TMEM255B: variants seen among roughly 807,000 people sequenced by gnomAD.
TMEM255B encodes family with sequence similarity 70, member B.
Under a neutral mutation model 34.5 loss-of-function variants are expected in TMEM255B, and 35 were observed. That is an observed-to-expected ratio of 1.01 (90% CI 0.77 to 1.34). The LOEUF is 1.34. Among genes scored for constraint, TMEM255B ranks in the 40% most tolerant of loss-of-function variants. The probability of loss-of-function intolerance (pLI) is 0.00; values close to 1 mark genes in which losing one functional copy is unlikely to be tolerated. For missense variants in TMEM255B, 432 were observed against 433.2 expected, an observed-to-expected ratio of 1.00 and a Z score of 0.02; for synonymous variants, 206 against 201.2, an observed-to-expected ratio of 1.02 and a Z score of -0.20.
intron 3 of TMEM255B, among the ~76,000 whole-genome samples, chr13:113,772,871 T>C (rs924092791): frequency 6.6e-6 from 1 of 152,192 alleles, no homozygotes; most frequent in Admixed American, 6.5e-5. Flanking sequence ...CAGGATTACG[T>C]TGGCAATTCT....
At chr13:113,791,046 C>G (rs1753985800) in intron 3 of TMEM255B, among the ~76,000 whole-genome samples, 1 of 152,190 alleles carries the variant, frequency 6.6e-6, no homozygotes, top group African/African-American at 2.4e-5. Flanking sequence ...AAGGTAGACC[C>G]TGCAATTTTT....
At position 113,816,109 on chromosome 13, in the gene TMEM255B, AGC is replaced by A. The variant is rs1566345638; in HGVS notation, c.*4208_*4209del. 2.3e-3 allele frequency: 396 copies of A among 170,468 alleles called. 5 individuals are homozygous for A. Among genetic ancestry groups the A allele is most frequent in the African/African-American group, 3.8e-3 (146 of 38,754 alleles). 10.6% of individuals were successfully genotyped at this position (170,468 alleles called of 1,614,324 possible). A position where few individuals can be genotyped will look rare whatever the true frequency, so the allele number is the denominator to read the frequency against. ...GACACGGGTTCTTTTCGGGGAGGCA[AGC>A]GTGTTTGCAGCGTGTTCTGGATGGG... is the stretch of plus-strand genomic sequence containing the variant. On this transcript the variant is annotated 3_prime_UTR_variant, in exon 9 of 9. Coordinates refer to ENST00000375353, the MANE Select transcript of TMEM255B (RefSeq NM_182614.4).
chr13:113,781,249 T>A (rs1299688731), intron 3 of TMEM255B, among the ~76,000 whole-genome samples: 2 of 152,242 alleles, frequency 1.3e-5, no homozygotes, highest in African/African-American at 4.8e-5. Flanking sequence ...TTTTAATGCT[T>A]AATTTGCAGA....
chr13:113,812,883 G>GGTCACAGGCCCCGGGTGA lies in TMEM255B; in HGVS notation c.*1004_*1021dup, dbSNP rs1391871530. 6.5e-6 allele frequency: 1 copy of GGTCACAGGCCCCGGGTGA among 153,460 alleles called. No homozygotes were observed. The highest frequency in any genetic ancestry group is 1.3e-5 in the Non-Finnish European group (1 of 75,456). 9.5% of individuals were successfully genotyped at this position (153,460 alleles called of 1,614,324 possible). Reference sequence around the variant, plus strand: ...CCGGGTGGGTCACAGGTCCCGAGTGGGTCACAGGCCCCGGGTGAGTCACAG... The same window carrying GGTCACAGGCCCCGGGTGA: ...CCGGGTGGGTCACAGGTCCCGAGTGGGTCACAGGCCCCGGGTGAGTCACAGGCCCCGGGTGAGTCACAG... On this transcript the variant is annotated 3_prime_UTR_variant, in exon 9 of 9. Transcript: ENST00000375353.
intron 8 of TMEM255B, among the ~76,000 whole-genome samples, chr13:113,808,932 G>A (rs1387018965): frequency 1.3e-4 from 20 of 149,456 alleles, no homozygotes; most frequent in Admixed American, 1.3e-3. Context: ...GGTTCTTGGG[G>A]ATTTATGCTG....
chr13:113,793,949 T>C (rs2050876036), intron 3 of TMEM255B, among the ~76,000 whole-genome samples: 1 of 152,220 alleles, frequency 6.6e-6, no homozygotes, highest in Non-Finnish European at 1.5e-5. Context: ...CTTCTGCTGC[T>C]GTGGGGCCTG....
intron 1 of TMEM255B, 24 bp from the exon 2 acceptor site, chr13:113,766,091 A>G: frequency 6.2e-7 from 1 of 1,613,250 alleles, no homozygotes; most frequent in Non-Finnish European, 8.5e-7. Context: ...CCTCACTGAC[A>G]GGTCCTCGCC....
rs573290576 is a variant in TMEM255B, at chr13:113,790,240, G to A, written c.253-4908G>A. ...TGGACATCCTAGCGCTGGACTGACC[G>A]GGCACGTGGGCATCCTAACACTGAA... On this transcript the variant is annotated intron_variant, in intron 3 of 8. Transcript: ENST00000375353. 8.6e-5 allele frequency among the ~76,000 whole-genome samples: 10 copies of A among 116,864 alleles called. 1 individual carries two copies. The highest frequency in any genetic ancestry group is 2.2e-4 in the African/African-American group (8 of 37,164). 76.7% of individuals were successfully genotyped at this position (116,864 alleles called of 152,430 possible).
chr13:113,770,466 T>A lies in TMEM255B; in HGVS notation c.252+1306T>A, dbSNP rs992545247. Among the ~76,000 whole-genome samples the A allele has an allele frequency of 2.0e-5, 3 of 152,114 alleles. No individual in the cohort carries two copies. Among genetic ancestry groups the A allele is most frequent in the Admixed American group, 6.5e-5 (1 of 15,282 alleles). On this transcript the variant is annotated intron_variant, in intron 3 of 8. Coordinates refer to ENST00000375353, the MANE Select transcript of TMEM255B (RefSeq NM_182614.4). The surrounding 1 kb of genome is among the most constrained non-coding windows in gnomAD (Gnocchi z 4.6). ...CACTGCTGCCCAGGAGACTGACCCT[T>A]GGGCAGATGGAGCCTGACCGTGTGA...
intron 1 of TMEM255B, among the ~76,000 whole-genome samples, chr13:113,762,324 T>G (rs1442611578): frequency 1.3e-5 from 2 of 152,200 alleles, no homozygotes; most frequent in African/African-American, 4.8e-5. Flanking sequence ...TTTTGTTATC[T>G]CTATTATATC....
intron 3 of TMEM255B, among the ~76,000 whole-genome samples, chr13:113,792,350 C>T (rs1036890138): frequency 1.8e-4 from 27 of 152,256 alleles, no homozygotes; most frequent in African/African-American, 6.3e-4. Flanking sequence ...TTGGCATTGA[C>T]GACCTTCTGA....
rs763921937 is a variant in TMEM255B, at chr13:113,799,447, G to A, written c.423+28G>A. ...GAGCAGGAGCACTGAGATTCATGTG[G>A]GTTTTGCTCAGCTAACCCCGCCGAC... On this transcript the variant is annotated intron_variant, in intron 5 of 8. Coordinates refer to ENST00000375353, the MANE Select transcript of TMEM255B (RefSeq NM_182614.4). 1.9e-6 allele frequency: 3 copies of A among 1,607,392 alleles called. No individual in the cohort carries two copies. In the South Asian group the frequency reaches 3.3e-5, roughly 18 times the overall value.
At chr13:113,801,064 G>C (rs902894649) in intron 6 of TMEM255B, 152 bp downstream of exon 6, 8 of 797,818 alleles carry the variant, frequency 1.0e-5, no homozygotes, top group Non-Finnish European at 1.4e-5. Context: ...CCCCGTATGT[G>C]CCTGCAGGGG....
At chr13:113,767,181 A>G (rs1176460444) in intron 2 of TMEM255B, among the ~76,000 whole-genome samples, 4 of 152,236 alleles carry the variant, frequency 2.6e-5, no homozygotes, top group African/African-American at 9.6e-5. Context: ...TTTTGGCCCT[A>G]AGTATTTAGA....
intron 1 of TMEM255B, 48 bp from the exon 2 acceptor site, chr13:113,766,067 T>C (rs2050382852): frequency 6.2e-7 from 1 of 1,609,370 alleles, no homozygotes; most frequent in East Asian, 2.2e-5. Context: ...CCTGACGCCC[T>C]CCTGAGCCTG....
At position 113,795,135 on chromosome 13, in the gene TMEM255B, CCTT is replaced by C. The variant is rs1479104233; in HGVS notation, c.253-10_253-8del. On this transcript the variant is annotated splice_polypyrimidine_tract_variant and intron_variant, in intron 3 of 8. Coordinates refer to ENST00000375353, the MANE Select transcript of TMEM255B (RefSeq NM_182614.4). ...GTAAAAGCTGGGCACCCACACCTCTCCTTCTGTTGCAGCTGGTGGCAGCGATCG... is the reference window on the plus strand; with the variant it reads ...GTAAAAGCTGGGCACCCACACCTCTCCTGTTGCAGCTGGTGGCAGCGATCG... The C allele has an allele frequency of 8.1e-6, 13 of 1,613,460 alleles. No homozygotes were observed. The highest frequency in any genetic ancestry group is 4.5e-5 in the East Asian group (2 of 44,894).
chr13:113,799,778 G>A (rs1476505853), intron 5 of TMEM255B: 4 of 667,478 alleles, frequency 6.0e-6, no homozygotes, highest in Non-Finnish European at 1.1e-5. Flanking sequence ...ATTTCCCTGA[G>A]CCACCGACAG....
intron 6 of TMEM255B, among the ~76,000 whole-genome samples, chr13:113,801,249 C>A (rs931785972): frequency 6.6e-6 from 1 of 152,226 alleles, no homozygotes; most frequent in Non-Finnish European, 1.5e-5. Flanking sequence ...CCGTGTGTGT[C>A]GGGCGAGAGT....
At chr13:113,776,614 C>T (rs1193703785) in intron 3 of TMEM255B, among the ~76,000 whole-genome samples, 2 of 152,196 alleles carry the variant, frequency 1.3e-5, no homozygotes, top group African/African-American at 2.4e-5. Flanking sequence ...CTGTTTTTTT[C>T]TGCTGTCTGA....
Sources: allele counts gnomAD v4.1 joint callset (sites outside exome capture counted in the v4.1 genomes callset), GRCh38; gene constraint gnomAD v4.1.1; non-coding constraint Gnocchi (gnomAD v3.1); transcripts MANE v1.5; gene names NCBI Gene and HGNC (gene_info 2026-07-23, HGNC 2026-07-21).